The following CNTNAP2 variants were observed in gnomAD, a reference collection of about 807,000 sequenced individuals.
CNTNAP2 encodes the protein contactin-associated protein-like 2.
In CNTNAP2, 98 loss-of-function variants were observed where a neutral mutation model predicts 155.2. That is an observed-to-expected ratio of 0.63 (90% CI 0.54 to 0.75). The LOEUF (loss-of-function observed/expected upper bound fraction) is 0.75, where lower values mean the gene tolerates loss of function less well. Ranked by LOEUF, CNTNAP2 falls within the 30% of genes least tolerant of loss-of-function variation. CNTNAP2 has a pLI of 0.00. For missense variants in CNTNAP2, 1,727 were observed against 1,688.1 expected (o/e 1.02, Z -0.40); for synonymous variants, 651 against 631.2 (o/e 1.03, Z -0.47).
At chr7:148,223,045 C>A (rs1298208094) in intron 19 of CNTNAP2, among the ~76,000 whole-genome samples, 2 of 152,202 alleles carry the variant, frequency 1.3e-5, no homozygotes, top group East Asian at 1.9e-4. Context: ...AATCTACATT[C>A]TAACGCATAT....
chr7:148,064,712 T>C (rs1341136609), intron 15 of CNTNAP2, among the ~76,000 whole-genome samples: 26 of 149,760 alleles, frequency 1.7e-4, no homozygotes, highest in Non-Finnish European at 3.0e-5. Context: ...AGAATATACC[T>C]AACCAAAGAA....
At chr7:146,883,412 G>A (rs1269099615) in intron 3 of CNTNAP2, among the ~76,000 whole-genome samples, 1 of 151,910 alleles carries the variant, frequency 6.6e-6, no homozygotes, top group Non-Finnish European at 1.5e-5. Flanking sequence ...TTTTCTATGT[G>A]TTCAAATTTG....
At chr7:146,974,491 CT>C (rs1797868568) in intron 3 of CNTNAP2, among the ~76,000 whole-genome samples, 1 of 151,792 alleles carries the variant, frequency 6.6e-6, no homozygotes, top group Non-Finnish European at 1.5e-5. Context: ...ACTTATTTAC[CT>C]TTAACTATAG....
chr7:146,432,113 C>G (rs1214147532), intron 1 of CNTNAP2, among the ~76,000 whole-genome samples: 1 of 152,018 alleles, frequency 6.6e-6, no homozygotes. Flanking sequence ...GCAAAACCAA[C>G]TAATTTCAAC....
intron 20 of CNTNAP2, among the ~76,000 whole-genome samples, chr7:148,258,281 G>C (rs538703991): frequency 6.6e-6 from 1 of 152,284 alleles, no homozygotes; most frequent in Admixed American, 6.5e-5. Context: ...GTCTCACCAA[G>C]GGAGGATCAG....
intron 1 of CNTNAP2, among the ~76,000 whole-genome samples, chr7:146,325,485 T>C (rs1801082130): frequency 6.6e-6 from 1 of 152,164 alleles, no homozygotes; most frequent in East Asian, 1.9e-4. Context: ...ATATTGTCTT[T>C]CCTTTTGTCC....
At chr7:147,540,898 G>A (rs1347419631) in intron 11 of CNTNAP2, among the ~76,000 whole-genome samples, 3 of 152,100 alleles carry the variant, frequency 2.0e-5, no homozygotes, top group Non-Finnish European at 4.4e-5. Flanking sequence ...TCAGATTGGT[G>A]CAGCGTAATC....
chr7:146,202,002 T>C (rs896467543), intron 1 of CNTNAP2, among the ~76,000 whole-genome samples: 1 of 152,096 alleles, frequency 6.6e-6, no homozygotes, highest in Non-Finnish European at 1.5e-5. Context: ...ATTTTCCACA[T>C]AGTAGGGCCT....
chr7:148,233,971 C>T (rs190558169), intron 20 of CNTNAP2, among the ~76,000 whole-genome samples: 1 of 152,172 alleles, frequency 6.6e-6, no homozygotes, highest in Non-Finnish European at 1.5e-5. Flanking sequence ...CCATGTAAGA[C>T]ATGCCTGCTA....
intron 8 of CNTNAP2, among the ~76,000 whole-genome samples, chr7:147,158,133 C>T (rs73471086): frequency 0.01 from 1,545 of 152,054 alleles, 27 homozygotes; most frequent in African/African-American, 0.036. Flanking sequence ...TCCCTGTTTC[C>T]CCAGTGACTT....
intron 13 of CNTNAP2, among the ~76,000 whole-genome samples, chr7:147,853,690 A>T (rs942802863): frequency 2.6e-5 from 4 of 152,184 alleles, no homozygotes; most frequent in African/African-American, 9.7e-5. Context: ...ATTGCCATAA[A>T]ATTTAACAGG....
intron 4 of CNTNAP2, chr7:147,080,963 A>G (rs1800112521): frequency 6.6e-6 from 1 of 152,106 alleles, no homozygotes; most frequent in Non-Finnish European, 1.5e-5. Context: ...ATTTCTCCTC[A>G]TATGGTACAC....
intron 9 of CNTNAP2, among the ~76,000 whole-genome samples, chr7:147,338,314 A>C (rs1795699273): frequency 6.7e-6 from 1 of 149,536 alleles, no homozygotes. Context: ...GAAATTTTAA[A>C]AACTTGAAAT....
intron 16 of CNTNAP2, among the ~76,000 whole-genome samples, chr7:148,122,851 A>G (rs1343644743): frequency 1.3e-5 from 2 of 151,618 alleles, no homozygotes; most frequent in African/African-American, 4.9e-5. Flanking sequence ...GCAAGAATAC[A>G]TCTCAAAAAA....
chr7:146,243,874 G>C (rs1799601255), intron 1 of CNTNAP2, among the ~76,000 whole-genome samples: 1 of 152,094 alleles, frequency 6.6e-6, no homozygotes, highest in Admixed American at 6.5e-5. Context: ...TAAAGTGTTG[G>C]GACAGCGAAA....
intron 15 of CNTNAP2, among the ~76,000 whole-genome samples, chr7:148,096,257 G>A (rs889885895): frequency 6.7e-6 from 1 of 148,210 alleles, no homozygotes; most frequent in Non-Finnish European, 1.5e-5. Flanking sequence ...TAAGCTGAAC[G>A]TTTTTCTGCG....
At chr7:147,359,791 C>A (rs939807946) in intron 9 of CNTNAP2, among the ~76,000 whole-genome samples, 1 of 152,002 alleles carries the variant, frequency 6.6e-6, no homozygotes, top group Non-Finnish European at 1.5e-5. Flanking sequence ...TCCCTGACCG[C>A]CCTAAAGTAG....
chr7:148,368,666 T>A (rs1167593152), intron 21 of CNTNAP2, among the ~76,000 whole-genome samples: 1 of 152,162 alleles, frequency 6.6e-6, no homozygotes, highest in Non-Finnish European at 1.5e-5. Flanking sequence ...TCGGCAAGAC[T>A]CCTGTCTCAA....
At chr7:148,356,603 G>T (rs1798520574) in intron 21 of CNTNAP2, among the ~76,000 whole-genome samples, 1 of 152,176 alleles carries the variant, frequency 6.6e-6, no homozygotes, top group South Asian at 2.1e-4. Flanking sequence ...AACCAGCAGT[G>T]TCCTATATTA....
Sources: gnomAD v4.1 joint callset for allele counts (sites outside exome capture counted in the v4.1 genomes callset) on GRCh38, gnomAD v4.1.1 for gene constraint, MANE v1.5 for transcripts, NCBI Gene and HGNC (gene_info 2026-07-23, HGNC 2026-07-21) for gene names.